PTPRK: variants seen among roughly 807,000 people sequenced by gnomAD.
PTPRK encodes receptor-type tyrosine-protein phosphatase kappa.
Under a neutral mutation model 178.0 loss-of-function variants are expected in PTPRK, and 75 were observed. The ratio of observed to expected loss-of-function variants is 0.42; its 90% CI spans 0.35 to 0.51. PTPRK has a LOEUF of 0.51. Among genes scored for constraint, PTPRK ranks in the 20% least tolerant of loss-of-function variants. The probability of loss-of-function intolerance (pLI) is 0.02; values close to 1 mark genes in which losing one functional copy is unlikely to be tolerated. For missense variants in PTPRK, 1,441 were observed against 1,797.8 expected, an observed-to-expected ratio of 0.80 and a Z score of 3.59; for synonymous variants, 637 against 620.6, an observed-to-expected ratio of 1.03 and a Z score of -0.39.
intron 2 of PTPRK, among the ~76,000 whole-genome samples, chr6:128,376,690 A>G (rs1296259630): frequency 1.3e-5 from 2 of 152,172 alleles, no homozygotes; most frequent in Non-Finnish European, 2.9e-5. Flanking sequence ...AATTTTCCAG[A>G]CTTTTATGCT....
chr6:128,293,417 T>C (rs1189187203), intron 3 of PTPRK, among the ~76,000 whole-genome samples: 1 of 152,036 alleles, frequency 6.6e-6, no homozygotes, highest in Non-Finnish European at 1.5e-5. Context: ...GCCAACACCT[T>C]TTATAAGGGC....
intron 6 of PTPRK, among the ~76,000 whole-genome samples, chr6:128,214,706 T>C (rs1808918432): frequency 6.6e-6 from 1 of 152,028 alleles, no homozygotes; most frequent in African/African-American, 2.4e-5. Context: ...GACTACAAAG[T>C]GAAGAATTGG....
intron 25 of PTPRK, among the ~76,000 whole-genome samples, chr6:127,977,912 A>G (rs1022734481): frequency 6.6e-6 from 1 of 152,220 alleles, no homozygotes; most frequent in African/African-American, 2.4e-5. Context: ...AATAATTAGT[A>G]GATTATAGAG....
At chr6:128,380,078 G>C (rs1837657737) in intron 2 of PTPRK, among the ~76,000 whole-genome samples, 1 of 152,068 alleles carries the variant, frequency 6.6e-6, no homozygotes, top group Non-Finnish European at 1.5e-5. Context: ...TGCTCAGCCT[G>C]GATGTAAACC....
intron 13 of PTPRK, among the ~76,000 whole-genome samples, chr6:128,014,698 T>C (rs1361003740): frequency 6.6e-6 from 1 of 151,642 alleles, no homozygotes; most frequent in South Asian, 2.1e-4. Context: ...CTGCCTATTA[T>C]ATAAATATAC....
chr6:128,428,582 T>G (rs1401107082), intron 1 of PTPRK, among the ~76,000 whole-genome samples: 1 of 152,168 alleles, frequency 6.6e-6, no homozygotes, highest in East Asian at 1.9e-4. Context: ...AATATGTCAA[T>G]GTGAAGATCT....
chr6:128,513,950 A>C (rs1857545339), intron 1 of PTPRK, among the ~76,000 whole-genome samples: 1 of 152,138 alleles, frequency 6.6e-6, no homozygotes, highest in Non-Finnish European at 1.5e-5. Flanking sequence ...GAAAAATCAC[A>C]TCAAGGAACT....
At chr6:128,382,650 G>C (rs1838108768) in intron 2 of PTPRK, among the ~76,000 whole-genome samples, 1 of 151,758 alleles carries the variant, frequency 6.6e-6, no homozygotes, top group Admixed American at 6.6e-5. Context: ...ATGTTGGCCA[G>C]GCTGGTCTCG....
At chr6:128,175,145 T>C (rs1800869904) in intron 7 of PTPRK, among the ~76,000 whole-genome samples, 1 of 151,860 alleles carries the variant, frequency 6.6e-6, no homozygotes, top group South Asian at 2.1e-4. Flanking sequence ...AAAAATGCAA[T>C]ACAAATGATA....
At chr6:128,288,360 A>C (rs1055701982) in intron 3 of PTPRK, among the ~76,000 whole-genome samples, 4 of 152,218 alleles carry the variant, frequency 2.6e-5, no homozygotes, top group African/African-American at 9.6e-5. Context: ...TGGATATAAT[A>C]ATACAAAAGT....
intron 6 of PTPRK, among the ~76,000 whole-genome samples, chr6:128,213,746 TA>T (rs1808686877): frequency 1.3e-5 from 2 of 151,962 alleles, no homozygotes; most frequent in African/African-American, 4.8e-5. Flanking sequence ...GCTTCTTATA[TA>T]AAAACACCAA....
intron 7 of PTPRK, among the ~76,000 whole-genome samples, chr6:128,143,730 G>C (rs754016520): frequency 6.6e-6 from 1 of 152,094 alleles, no homozygotes; most frequent in Non-Finnish European, 1.5e-5. Flanking sequence ...ATCCAGCTTA[G>C]ATTCCAAGTG....
At chr6:128,517,985 G>A (rs577740026) in intron 1 of PTPRK, among the ~76,000 whole-genome samples, 1 of 152,250 alleles carries the variant, frequency 6.6e-6, no homozygotes, top group Admixed American at 6.5e-5. Context: ...AAATCTGACT[G>A]CCATAGAATT....
At chr6:128,445,201 T>C (rs1846794261) in intron 1 of PTPRK, among the ~76,000 whole-genome samples, 1 of 111,778 alleles carries the variant, frequency 8.9e-6, no homozygotes, top group African/African-American at 4.3e-5. Context: ...CTATTTTATT[T>C]ATATATATAT....
Position 128,520,508 on chromosome 6 carries a change from G to A in PTPRK, c.-150C>T, listed in dbSNP as rs148080188. On this transcript the variant is annotated 5_prime_UTR_variant, in exon 1 of 30. Coordinates refer to ENST00000368226, the MANE Select transcript of PTPRK (RefSeq NM_002844.4). ...CCGCCCTTTTTCCTTCTTCGCGGTCGCCAAACTACCTCAGGGGCGAAAGCG... is the reference window on the plus strand; with the variant it reads ...CCGCCCTTTTTCCTTCTTCGCGGTCACCAAACTACCTCAGGGGCGAAAGCG... 6.1e-5 allele frequency: 42 copies of A among 692,098 alleles called. 1 individual carries two copies. Among genetic ancestry groups the A allele is most frequent in the African/African-American group, 5.6e-4 (31 of 55,672 alleles). 42.9% of individuals were successfully genotyped at this position (692,098 alleles called of 1,614,324 possible). A position where few individuals can be genotyped will look rare whatever the true frequency, so the allele number is the denominator to read the frequency against.
At chr6:128,141,120 A>G (rs1795712086) in intron 7 of PTPRK, among the ~76,000 whole-genome samples, 2 of 152,084 alleles carry the variant, frequency 1.3e-5, no homozygotes, top group East Asian at 1.9e-4. Context: ...TTCTTGATGG[A>G]ACTAAAGTAC....
chr6:128,195,899 A>G (rs1318507977), intron 6 of PTPRK, among the ~76,000 whole-genome samples: 1 of 152,186 alleles, frequency 6.6e-6, no homozygotes, highest in Non-Finnish European at 1.5e-5. Context: ...GATATTAATT[A>G]GCAATTGTCC....
intron 1 of PTPRK, among the ~76,000 whole-genome samples, chr6:128,423,893 A>G (rs1263838469): frequency 6.6e-6 from 1 of 151,926 alleles, no homozygotes; most frequent in African/African-American, 2.4e-5. Context: ...TTGACTCTTA[A>G]GAGAACTATA....
In PTPRK at chr6:128,073,030, G is replaced by A. The variant is rs372836842; in HGVS notation, c.1884-5238C>T. 2.8e-4 allele frequency among the ~76,000 whole-genome samples: 42 copies of A among 152,150 alleles called. No homozygotes were observed. The South Asian group carries it at 4.1e-3, about 15-fold the overall frequency. On this transcript the variant is annotated intron_variant, in intron 11 of 29. Coordinates refer to ENST00000368226, the MANE Select transcript of PTPRK (RefSeq NM_002844.4). ...TTATATGATACATCAGTATGTGGCCGTAGCACATTACATGCACCAACATGG... is the reference window on the plus strand; with the variant it reads ...TTATATGATACATCAGTATGTGGCCATAGCACATTACATGCACCAACATGG...
Sources: gnomAD v4.1 joint callset for allele counts (sites outside exome capture counted in the v4.1 genomes callset) on GRCh38, gnomAD v4.1.1 for gene constraint, MANE v1.5 for transcripts, NCBI Gene and HGNC (gene_info 2026-07-23, HGNC 2026-07-21) for gene names.